RIOK1: variants seen among roughly 807,000 people sequenced by gnomAD.
RIOK1 encodes the protein RIO kinase 1, also known as serine/threonine-protein kinase RIO1.
In RIOK1, 66 loss-of-function variants were observed where a neutral mutation model predicts 73.5. That is an observed-to-expected ratio of 0.90 (90% CI 0.74 to 1.10). The LOEUF (loss-of-function observed/expected upper bound fraction) is 1.10, where lower values mean the gene tolerates loss of function less well. Ranked by LOEUF, RIOK1 falls within the 50% of genes least tolerant of loss-of-function variation. The pLI is 0.00. For missense variants in RIOK1, 658 were observed against 699.8 expected (o/e 0.94, Z 0.67); for synonymous variants, 224 against 226.8 (o/e 0.99, Z 0.11).
chr6:7,390,515 A>G (rs1163913334), intron 1 of RIOK1, among the ~76,000 whole-genome samples: 3 of 152,214 alleles, frequency 2.0e-5, no homozygotes, highest in Non-Finnish European at 4.4e-5. Context: ...TTAAAAACCA[A>G]ATAATGATGT....
chr6:7,404,768 C>A, intron 10 of RIOK1, 150 bp from the exon 11 acceptor site: 1 of 874,924 alleles, frequency 1.1e-6, no homozygotes, highest in Non-Finnish European at 1.8e-6. Flanking sequence ...GAAATTTTCC[C>A]AGTTCCATCT....
chr6:7,412,712 C>T (rs1485412269), intron 14 of RIOK1, among the ~76,000 whole-genome samples, 177 bp from the exon 15 acceptor site: 1 of 150,966 alleles, frequency 6.6e-6, no homozygotes, highest in Admixed American at 6.6e-5. Context: ...ATCTGGTAGA[C>T]AGAAATAATA....
At position 7,389,974 on chromosome 6, in the gene RIOK1, GCGGCGGCCTC is replaced by G. The variant is rs1338579966; in HGVS notation, c.-21_-12del. On this transcript the variant is annotated 5_prime_UTR_variant, in exon 1 of 17. Transcript: ENST00000379834. ...CTGAGCCGTTCCTTTCCATCGCAGAGCGGCGGCCTCCGGCGGCGCTCTCCAGTCATGGACT... is the reference window on the plus strand; with the variant it reads ...CTGAGCCGTTCCTTTCCATCGCAGAGCGGCGGCGCTCTCCAGTCATGGACT... The G allele has an allele frequency of 3.6e-5, 55 of 1,541,530 alleles. No homozygotes were observed. The highest frequency in any genetic ancestry group is 4.8e-5 in the Non-Finnish European group (55 of 1,139,562).
At position 7,418,037 on chromosome 6, in the gene RIOK1, A is replaced by G. The variant is rs994720137; in HGVS notation, c.*596A>G. The G allele has an allele frequency of 3.3e-5, 5 of 152,222 alleles. No homozygotes were observed. The highest frequency in any genetic ancestry group is 7.2e-5 in the African/African-American group (3 of 41,462). 9.4% of individuals were successfully genotyped at this position (152,222 alleles called of 1,614,324 possible). A position where few individuals can be genotyped will look rare whatever the true frequency, so the allele number is the denominator to read the frequency against. ...AGTTCATAAAGTTTTTTACAATTCA[A>G]TCATTTGGCATATTCATTCATTCAT... On this transcript the variant is annotated 3_prime_UTR_variant, in exon 17 of 17. Coordinates refer to ENST00000379834, the MANE Select transcript of RIOK1 (RefSeq NM_031480.3).
intron 10 of RIOK1, 36 bp from the exon 11 acceptor site, chr6:7,404,882 A>G (rs2113516385): frequency 6.6e-7 from 1 of 1,523,454 alleles, no homozygotes. Flanking sequence ...TAGTAAAGTA[A>G]TACCATCCCA....
Position 7,391,043 on chromosome 6 carries a change from G to A in RIOK1, c.71+970G>A, listed in dbSNP as rs541276674. ...GGTGGTAGACTGGACGTGGAGTCTG[G>A]GGAAAGAGGGATGAAGGATAACTCC... On this transcript the variant is annotated intron_variant, in intron 1 of 16. Transcript: ENST00000379834. Among the ~76,000 whole-genome samples, 29 of 152,266 alleles carry A rather than the reference G, an allele frequency of 1.9e-4. No individual in the cohort carries two copies. In the South Asian group the frequency reaches 5.6e-3, roughly 29 times the overall value.
At chr6:7,404,384 C>A in intron 9 of RIOK1, 34 bp from the exon 10 acceptor site, 1 of 1,611,350 alleles carries the variant, frequency 6.2e-7, no homozygotes, top group South Asian at 1.1e-5. Flanking sequence ...AAAACTTGTT[C>A]TTGGTCATTT....
At chr6:7,411,849 C>T (rs539844348) in intron 14 of RIOK1, among the ~76,000 whole-genome samples, 1 of 152,202 alleles carries the variant, frequency 6.6e-6, no homozygotes, top group Non-Finnish European at 1.5e-5. Context: ...GAGGTGATTA[C>T]GTAGGTCCTT....
intron 5 of RIOK1, among the ~76,000 whole-genome samples, chr6:7,399,156 A>T (rs1419616343): frequency 6.6e-6 from 1 of 152,220 alleles, no homozygotes; most frequent in Non-Finnish European, 1.5e-5. Flanking sequence ...TTTAGAAATT[A>T]TGCTTGTTTT....
At position 7,404,019 on chromosome 6, in the gene RIOK1, A is replaced by C; in HGVS notation, c.846A>C (p.Lys282Asn). 6.2e-7 allele frequency: 1 copy of C among 1,604,596 alleles called. No homozygotes were observed. Among genetic ancestry groups the C allele is most frequent in the Non-Finnish European group, 8.5e-7 (1 of 1,171,888 alleles). The change falls in exon 9 of 17, where the codon AAA (lysine) becomes AAC (asparagine). Residue 282 changes from lysine (K) to asparagine (N), a missense_variant. Physicochemically the swap from Lys to Asn is moderately conservative, Grantham distance 94. Transcript: ENST00000379834. ...SHVLVMSFIG[K>N]DDMPAPLLKN... ...TTCTTGTCATGAGTTTCATCGGTAA[A>C]GATGACATGTAAGTACATGGAAGGG...
chr6:7,394,910 A>C, intron 2 of RIOK1, 143 bp from the exon 3 acceptor site: 1 of 1,316,718 alleles, frequency 7.6e-7, no homozygotes, highest in East Asian at 2.5e-5. Flanking sequence ...TTTTTGAGCC[A>C]ATTTGATTGA....
At chr6:7,398,600 C>T in intron 4 of RIOK1, 98 bp from the exon 5 acceptor site, 1 of 866,042 alleles carries the variant, frequency 1.2e-6, no homozygotes, top group Non-Finnish European at 1.9e-6. Flanking sequence ...AGAGAAACTA[C>T]CTACTTAGGA....
intron 4 of RIOK1, among the ~76,000 whole-genome samples, chr6:7,397,292 T>C (rs1370203449): frequency 6.6e-6 from 1 of 152,130 alleles, no homozygotes; most frequent in East Asian, 1.9e-4. Context: ...TAAAAATTAA[T>C]GAATTTTAAG....
chr6:7,416,365 T>C (rs1761999659), intron 16 of RIOK1, among the ~76,000 whole-genome samples: 1 of 152,194 alleles, frequency 6.6e-6, no homozygotes, highest in Non-Finnish European at 1.5e-5. Context: ...TTAAGGAAGC[T>C]CAGCTGGGCG....
chr6:7,417,757 A>G lies in RIOK1; in HGVS notation c.*316A>G. On this transcript the variant is annotated 3_prime_UTR_variant, in exon 17 of 17. Transcript: ENST00000379834. Reference sequence around the variant, plus strand: ...TTTTGGAAGCATGATAAATGTTTAAATGTAGTCAACATCTGTAACTCTTAC... The same window carrying G: ...TTTTGGAAGCATGATAAATGTTTAAGTGTAGTCAACATCTGTAACTCTTAC... The G allele has an allele frequency of 6.0e-6, 1 of 165,756 alleles. No homozygotes were observed. Among genetic ancestry groups the G allele is most frequent in the Non-Finnish European group, 1.3e-5 (1 of 75,968 alleles). 10.3% of individuals were successfully genotyped at this position (165,756 alleles called of 1,614,324 possible).
In RIOK1 at chr6:7,417,326, T is replaced by C; in HGVS notation, c.1597-5T>C. The C allele has an allele frequency of 6.6e-7, 1 of 1,508,938 alleles. No individual in the cohort carries two copies. Among genetic ancestry groups the C allele is most frequent in the Non-Finnish European group, 8.9e-7 (1 of 1,125,338 alleles). 93.5% of individuals were successfully genotyped at this position (1,508,938 alleles called of 1,614,324 possible). A position where few individuals can be genotyped will look rare whatever the true frequency, so the allele number is the denominator to read the frequency against. ...AAAGTTGGCTTTTTTGTTTGTTTTTTACAGGAAAGAAAAAAGATGGTCAAG... is the reference window on the plus strand; with the variant it reads ...AAAGTTGGCTTTTTTGTTTGTTTTTCACAGGAAAGAAAAAAGATGGTCAAG... On this transcript the variant is annotated splice_region_variant and splice_polypyrimidine_tract_variant and intron_variant, in intron 16 of 16. Transcript: ENST00000379834.
intron 5 of RIOK1, among the ~76,000 whole-genome samples, chr6:7,399,657 T>C (rs1761565216): frequency 6.6e-6 from 1 of 152,338 alleles, no homozygotes; most frequent in South Asian, 2.1e-4. Flanking sequence ...TTAAGCCATC[T>C]GGTTTGTTAC....
intron 3 of RIOK1, among the ~76,000 whole-genome samples, chr6:7,395,685 C>T (rs1761456692): frequency 6.6e-6 from 1 of 151,414 alleles, no homozygotes; most frequent in Non-Finnish European, 1.5e-5. Flanking sequence ...TACAAAAACC[C>T]ATTTAAGTAT....
At chr6:7,398,292 T>C (rs1761527634) in intron 4 of RIOK1, among the ~76,000 whole-genome samples, 1 of 151,772 alleles carries the variant, frequency 6.6e-6, no homozygotes, top group South Asian at 2.1e-4. Flanking sequence ...CTGGGCAACA[T>C]AGTAAGATGC....
Sources: gnomAD v4.1 joint callset for allele counts (sites outside exome capture counted in the v4.1 genomes callset) on GRCh38, gnomAD v4.1.1 for gene constraint, MANE v1.5 for transcripts, NCBI Gene and HGNC (gene_info 2026-07-23, HGNC 2026-07-21) for gene names.